The following GALNT13 variants were observed in gnomAD, a reference collection of about 807,000 sequenced individuals.
GALNT13 encodes the protein polypeptide N-acetylgalactosaminyltransferase 13, also known as UDP-GalNAc:polypeptide N-acetylgalactosaminyltransferase 13.
In GALNT13, 28 loss-of-function variants were observed where a neutral mutation model predicts 64.2. That is an observed-to-expected ratio of 0.44 (90% confidence interval 0.32 to 0.60). The LOEUF is 0.60. GALNT13 is among the 20% of genes least tolerant of loss of function. The pLI, the probability that GALNT13 is intolerant of heterozygous loss-of-function variation, is 0.05. For missense variants in GALNT13, 577 were observed against 669.8 expected, an observed-to-expected ratio of 0.86 and a Z score of 1.53; for synonymous variants, 214 against 224.6, an observed-to-expected ratio of 0.95 and a Z score of 0.42.
the GALNT13 span, among the ~76,000 whole-genome samples, chr2:153,810,459 T>C: frequency 6.6e-6 from 1 of 152,234 alleles, no homozygotes; most frequent in South Asian, 2.1e-4. Flanking sequence ...TGTGGTTTGC[T>C]GTCATCACAA....
the GALNT13 span, among the ~76,000 whole-genome samples, chr2:153,720,540 G>A: frequency 1.3e-5 from 2 of 149,558 alleles, no homozygotes; most frequent in Non-Finnish European, 3.0e-5. Context: ...TCAAACCAAA[G>A]GCAAAGAAGT....
chr2:153,611,550 G>A, the GALNT13 span, among the ~76,000 whole-genome samples: 18 of 151,934 alleles, frequency 1.2e-4, no homozygotes, highest in Non-Finnish European at 1.6e-4. Flanking sequence ...TAGTAAAGAC[G>A]GGGTTTCACC....
the GALNT13 span, among the ~76,000 whole-genome samples, chr2:153,464,000 A>G: frequency 6.6e-6 from 1 of 152,040 alleles, no homozygotes; most frequent in Non-Finnish European, 1.5e-5. Context: ...ACATATGAGT[A>G]GACTAGACAA....
At chr2:153,939,198 G>C (rs1338333910) in intron 2 of GALNT13, among the ~76,000 whole-genome samples, 1 of 152,144 alleles carries the variant, frequency 6.6e-6, no homozygotes, top group East Asian at 1.9e-4. Flanking sequence ...TGTGACATTT[G>C]AGCAGGAAGG....
chr2:153,328,061 T>C, the GALNT13 span, among the ~76,000 whole-genome samples: 1 of 152,168 alleles, frequency 6.6e-6, no homozygotes, highest in African/African-American at 2.4e-5. Context: ...GTCAGGTCCC[T>C]CTTCTGCAGG....
intron 2 of GALNT13, among the ~76,000 whole-genome samples, chr2:153,904,545 T>A (rs1300178587): frequency 1.3e-5 from 2 of 151,940 alleles, no homozygotes; most frequent in Non-Finnish European, 2.9e-5. Context: ...TTACATTTTC[T>A]TGTTGATTAA....
chr2:154,165,762 G>A (rs1684988677), intron 4 of GALNT13, among the ~76,000 whole-genome samples: 1 of 152,142 alleles, frequency 6.6e-6, no homozygotes, highest in Admixed American at 6.5e-5. Context: ...TTTTGAGCTG[G>A]AGAAAGTGAA....
intron 4 of GALNT13, among the ~76,000 whole-genome samples, chr2:154,204,866 T>A (rs1687355965): frequency 6.6e-6 from 1 of 152,228 alleles, no homozygotes; most frequent in Non-Finnish European, 1.5e-5. Flanking sequence ...TTCTCCCCTC[T>A]TCATTGAGAG....
intron 8 of GALNT13, among the ~76,000 whole-genome samples, chr2:154,266,755 A>G (rs1010533896): frequency 6.6e-6 from 1 of 151,792 alleles, no homozygotes; most frequent in Non-Finnish European, 1.5e-5. Context: ...TATAGATTCA[A>G]TGCAATAGTT....
chr2:153,188,607 C>T, the GALNT13 span, among the ~76,000 whole-genome samples: 4 of 152,098 alleles, frequency 2.6e-5, no homozygotes, highest in South Asian at 8.3e-4. Flanking sequence ...TCTGGTATGA[C>T]TGAGAAAATA....
chr2:154,052,734 CTTTTT>C (rs548779869), intron 3 of GALNT13, among the ~76,000 whole-genome samples: 1 of 123,136 alleles, frequency 8.1e-6, no homozygotes. Context: ...ACAGAATTGA[CTTTTT>C]TTTTTTTTTT....
the GALNT13 span, among the ~76,000 whole-genome samples, chr2:153,315,762 G>A: frequency 6.6e-6 from 1 of 152,078 alleles, no homozygotes; most frequent in African/African-American, 2.4e-5. Context: ...ACATTAAGTA[G>A]TTGCTAAGAT....
At chr2:153,798,822 T>C in the GALNT13 span, among the ~76,000 whole-genome samples, 1 of 152,182 alleles carries the variant, frequency 6.6e-6, no homozygotes, top group African/African-American at 2.4e-5. Flanking sequence ...TTATTTAGGT[T>C]TTACTACCTT....
the GALNT13 span, among the ~76,000 whole-genome samples, chr2:153,145,084 A>T: frequency 6.6e-6 from 1 of 151,924 alleles, no homozygotes; most frequent in Non-Finnish European, 1.5e-5. Flanking sequence ...CACACTGTAG[A>T]TATGAAGAAG....
At chr2:154,447,482 G>A (rs190226448) in intron 12 of GALNT13, among the ~76,000 whole-genome samples, 60 of 152,004 alleles carry the variant, frequency 3.9e-4, no homozygotes, top group Admixed American at 1.6e-3. Flanking sequence ...TGGAATTCTT[G>A]TAAAGAGTGC....
intron 3 of GALNT13, among the ~76,000 whole-genome samples, chr2:154,113,828 G>A (rs529910333): frequency 2.0e-5 from 3 of 152,368 alleles, no homozygotes; most frequent in East Asian, 3.9e-4. Flanking sequence ...TGCATTGCTG[G>A]CCTTGCCAGC....
At chr2:153,992,900 C>G (rs1695255721) in intron 3 of GALNT13, among the ~76,000 whole-genome samples, 1 of 152,104 alleles carries the variant, frequency 6.6e-6, no homozygotes, top group Non-Finnish European at 1.5e-5. Context: ...AACTAATATT[C>G]ATTTTATTTG....
chr2:153,760,829 G>A, the GALNT13 span, among the ~76,000 whole-genome samples: 1 of 152,106 alleles, frequency 6.6e-6, no homozygotes, highest in South Asian at 2.1e-4. Flanking sequence ...GTAGGGAACT[G>A]AAATCCTCAC....
At chr2:154,056,213 T>G (rs1449030323) in intron 3 of GALNT13, among the ~76,000 whole-genome samples, 1 of 152,186 alleles carries the variant, frequency 6.6e-6, no homozygotes, top group Non-Finnish European at 1.5e-5. Flanking sequence ...CAACCAAAAG[T>G]CAATATAAGT....
Sources: allele counts gnomAD v4.1 joint callset (sites outside exome capture counted in the v4.1 genomes callset), GRCh38; gene constraint gnomAD v4.1.1; transcripts MANE v1.5; gene names NCBI Gene and HGNC (gene_info 2026-07-23, HGNC 2026-07-21).